Variants in SCN2A observed in about 807,000 individuals in gnomAD.
SCN2A encodes sodium voltage-gated channel alpha subunit 2.
Under a neutral mutation model 188.7 loss-of-function variants are expected in SCN2A, and 20 were observed. The ratio of observed to expected loss-of-function variants is 0.11; its 90% CI spans 0.07 to 0.15. The LOEUF (loss-of-function observed/expected upper bound fraction) is 0.15, where lower values mean the gene tolerates loss of function less well. Ranked by LOEUF, SCN2A falls within the 10% of genes least tolerant of loss-of-function variation. SCN2A has a pLI of 1.00. For missense variants in SCN2A, 1,278 were observed against 2,445.0 expected, an observed-to-expected ratio of 0.52 and a Z score of 10.07; for synonymous variants, 804 against 833.1, an observed-to-expected ratio of 0.97 and a Z score of 0.60.
chr2:165,250,778 T>A (rs968921644), intron 1 of SCN2A, among the ~76,000 whole-genome samples: 2 of 152,064 alleles, frequency 1.3e-5, no homozygotes. Context: ...TCTTCTGACA[T>A]TGAGATGGCA....
At chr2:165,357,461 G>A (rs1700237108) in intron 17 of SCN2A, among the ~76,000 whole-genome samples, 2 of 152,128 alleles carry the variant, frequency 1.3e-5, no homozygotes, top group Admixed American at 1.3e-4. Flanking sequence ...GGCAGACTGA[G>A]TGGACTCAGA....
rs1330937750 is a variant in SCN2A, at chr2:165,319,313, G to A, written c.1671+3555G>A. On this transcript the variant is annotated intron_variant, in intron 11 of 26. Transcript: ENST00000375437. ...GATCACGCCACTGCACTCCAGCCTG[G>A]GTGACAGAGTGAGACTCCGTCTCAA... Among the ~76,000 whole-genome samples the A allele has an allele frequency of 2.0e-5, 3 of 152,030 alleles. No individual in the cohort carries two copies. In the East Asian group the frequency reaches 5.8e-4, roughly 29 times the overall value.
intron 19 of SCN2A, among the ~76,000 whole-genome samples, chr2:165,369,084 C>T (rs1700886032): frequency 3.3e-5 from 5 of 152,006 alleles, no homozygotes; most frequent in Admixed American, 1.3e-4. Flanking sequence ...AGCTACCACA[C>T]CTGGCTAATT....
At chr2:165,366,538 GC>G (rs202108792) in intron 18 of SCN2A, among the ~76,000 whole-genome samples, 3,995 of 152,002 alleles carry the variant, frequency 0.026, 186 homozygotes, top group African/African-American at 0.091. Flanking sequence ...TTCAAGACCA[GC>G]CAGGCAAACA....
At chr2:165,349,072 A>G (rs116102980) in intron 16 of SCN2A, among the ~76,000 whole-genome samples, 1 of 152,262 alleles carries the variant, frequency 6.6e-6, no homozygotes, top group Non-Finnish European at 1.5e-5. Flanking sequence ...AAGATCACAT[A>G]GAACAGAAAG....
rs1702141980 is a variant in SCN2A, at chr2:165,392,097, A to G, written c.*2273A>G. The stretch of plus-strand genomic sequence containing the variant: ...TCTTTGAAATGCCATTTAAAGGTAG[A>G]TTTCTATCATGTAAAAATAATCTAT... On this transcript the variant is annotated 3_prime_UTR_variant, in exon 27 of 27. Transcript: ENST00000375437. The G allele has an allele frequency of 1.3e-5, 2 of 152,550 alleles. No homozygotes were observed. Among genetic ancestry groups the G allele is most frequent in the African/African-American group, 4.8e-5 (2 of 41,446 alleles). The allele number at this position is 152,550 out of a possible 1,614,324, so 9.4% of individuals were successfully genotyped here.
chr2:165,301,752 G>C (rs1316526745), intron 3 of SCN2A, among the ~76,000 whole-genome samples: 1 of 152,106 alleles, frequency 6.6e-6, no homozygotes, highest in Non-Finnish European at 1.5e-5. Flanking sequence ...ATTGCACAAA[G>C]AACTTTATAG....
chr2:165,299,365 G>A (rs1250587611), intron 3 of SCN2A, among the ~76,000 whole-genome samples: 1 of 152,208 alleles, frequency 6.6e-6, no homozygotes, highest in East Asian at 1.9e-4. Flanking sequence ...AGGTTGAAAT[G>A]TGAAGCCAGC....
intron 1 of SCN2A, chr2:165,266,994 G>T (rs1694895520): frequency 6.6e-6 from 1 of 151,928 alleles, no homozygotes. Flanking sequence ...ATGGATTAAA[G>T]AAATTAAATA....
chr2:165,291,501 T>TCC (rs1696170738), intron 1 of SCN2A, among the ~76,000 whole-genome samples: 2 of 140,220 alleles, frequency 1.4e-5, no homozygotes, highest in African/African-American at 5.3e-5. Flanking sequence ...TTTTCTTTCT[T>TCC]TCTTTCTTTC....
chr2:165,306,801 C>T (rs1342251168), intron 3 of SCN2A, among the ~76,000 whole-genome samples: 1 of 151,966 alleles, frequency 6.6e-6, no homozygotes, highest in Non-Finnish European at 1.5e-5. Context: ...GTAATGTGAT[C>T]ATTTATAGTA....
rs796053166 is a variant in SCN2A, at chr2:165,389,450, C to A, written c.5644C>A (p.Arg1882=). ...MDALRIQMEE[R]FMASNPSKVS... The stretch of plus-strand genomic sequence containing the variant: ...TGCCCTTCGAATACAGATGGAAGAG[C>A]GATTCATGGCATCAAACCCCTCCAA... Residue 1882 remains arginine (R), a synonymous_variant, in exon 27 of 27, where the codon CGA becomes AGA. Transcript: ENST00000375437. The surrounding 1 kb of genome is among the most constrained non-coding windows in gnomAD (Gnocchi z 4.2). 10 of 1,613,674 alleles carry A rather than the reference C, an allele frequency of 6.2e-6. No homozygotes were observed. Among genetic ancestry groups the A allele is most frequent in the South Asian group, 1.1e-5 (1 of 91,062 alleles).
intron 1 of SCN2A, among the ~76,000 whole-genome samples, chr2:165,254,276 C>T (rs538271381): frequency 1.3e-5 from 2 of 151,564 alleles, no homozygotes; most frequent in East Asian, 3.9e-4. Flanking sequence ...AGTACTGCAC[C>T]ATTTTTTCAT....
At chr2:165,249,035 G>C (rs1693979435) in intron 1 of SCN2A, among the ~76,000 whole-genome samples, 1 of 152,072 alleles carries the variant, frequency 6.6e-6, no homozygotes, top group Non-Finnish European at 1.5e-5. Context: ...ATCATTAATA[G>C]TTACTGAAGA....
intron 1 of SCN2A, among the ~76,000 whole-genome samples, chr2:165,291,494 T>TTTCATTCTTTC (rs1559340326): frequency 2.7e-5 from 1 of 36,600 alleles, no homozygotes. Flanking sequence ...TTCTTTCTTT[T>TTTCATTCTTTC]CTTTCTTTCT....
chr2:165,376,208 A>G (rs1159796857), intron 22 of SCN2A, among the ~76,000 whole-genome samples: 2 of 151,852 alleles, frequency 1.3e-5, no homozygotes, highest in South Asian at 2.1e-4. Flanking sequence ...TCAGAAAAAA[A>G]TAAGTATAAG....
chr2:165,252,383 C>T (rs1694133808), intron 1 of SCN2A, among the ~76,000 whole-genome samples: 1 of 151,988 alleles, frequency 6.6e-6, no homozygotes, highest in African/African-American at 2.4e-5. Context: ...TCCTCATGTT[C>T]AGTTATCAAG....
intron 1 of SCN2A, chr2:165,294,010 T>TTAAA (rs1331839844): frequency 2.0e-5 from 3 of 149,490 alleles, no homozygotes; most frequent in East Asian, 5.2e-4. Flanking sequence ...GAAGGAGAAT[T>TTAAA]AAAAAAAAAA....
intron 1 of SCN2A, among the ~76,000 whole-genome samples, chr2:165,265,491 A>ATATATATATATATATATATATATT (rs1559324978): frequency 1.7e-5 from 2 of 117,588 alleles, no homozygotes; most frequent in African/African-American, 6.3e-5. Context: ...ATATATATAT[A>ATATATATATATATATATATATATT]TATATATATA....
Sources: allele counts gnomAD v4.1 joint callset (sites outside exome capture counted in the v4.1 genomes callset), GRCh38; gene constraint gnomAD v4.1.1; non-coding constraint Gnocchi (gnomAD v3.1); transcripts MANE v1.5; gene names NCBI Gene and HGNC (gene_info 2026-07-23, HGNC 2026-07-21).